DEPDC1B: variants seen among roughly 807,000 people sequenced by gnomAD.
DEPDC1B encodes DEP domain containing 1B, also known as DEP domain-containing protein 1B.
Under a neutral mutation model 66.5 loss-of-function variants are expected in DEPDC1B, and 51 were observed. The observed-to-expected ratio is 0.77, with a 90% CI of 0.61 to 0.97. The LOEUF (loss-of-function observed/expected upper bound fraction) is 0.97. Ranked by LOEUF, DEPDC1B falls within the 50% of genes least tolerant of loss-of-function variation. DEPDC1B has a pLI of 0.00. For missense variants in DEPDC1B, 552 were observed against 637.1 expected, an observed-to-expected ratio of 0.87 and a Z score of 1.44; for synonymous variants, 226 against 223.6, an observed-to-expected ratio of 1.01 and a Z score of -0.10.
chr5:60,665,556 AT>A lies in DEPDC1B; in HGVS notation c.315-18024del, dbSNP rs554212758. 7.6e-4 allele frequency among the ~76,000 whole-genome samples: 116 copies of A among 152,326 alleles called. 2 individuals carry two copies. The highest frequency in any genetic ancestry group is 7.3e-3 in the Admixed American group (111 of 15,300). On this transcript the variant is annotated intron_variant, in intron 2 of 10. Coordinates refer to ENST00000265036, the MANE Select transcript of DEPDC1B (RefSeq NM_018369.3). The stretch of plus-strand genomic sequence containing the variant: ...GACCGGCCTGCTAGCCCATGCTCCG[AT>A]GTTAATGATATTGAAGGCACCCCTC...
intron 2 of DEPDC1B, among the ~76,000 whole-genome samples, chr5:60,670,903 G>T (rs1283360236): frequency 6.6e-6 from 1 of 152,152 alleles, no homozygotes; most frequent in Non-Finnish European, 1.5e-5. Flanking sequence ...CACTATCTTG[G>T]CAGAGGTCAT....
Position 60,654,876 on chromosome 5 carries a change from T to A in DEPDC1B, c.315-7343A>T, listed in dbSNP as rs185087883. 6.6e-4 allele frequency among the ~76,000 whole-genome samples: 98 copies of A among 149,156 alleles called. 11 individuals are homozygous for A. Among genetic ancestry groups the A allele is most frequent in the African/African-American group, 2.1e-3 (85 of 39,662 alleles). On this transcript the variant is annotated intron_variant, in intron 2 of 10. Coordinates refer to ENST00000265036, the MANE Select transcript of DEPDC1B (RefSeq NM_018369.3). ...TGTCAAATGCTCTTTCTGTGTCTAT[T>A]GGGATGATCATGATTTTTGTTTTTA...
chr5:60,625,494 G>A lies in DEPDC1B; in HGVS notation c.898+13256C>T, dbSNP rs1752791589. ...AGTAACAGGTCCCACATATACTCAAGGGTACAAGGTAGCAGGAAAATTGGG... is the reference window on the plus strand; with the variant it reads ...AGTAACAGGTCCCACATATACTCAAAGGTACAAGGTAGCAGGAAAATTGGG... On this transcript the variant is annotated intron_variant, in intron 7 of 10. Coordinates refer to ENST00000265036, the MANE Select transcript of DEPDC1B (RefSeq NM_018369.3). 2.0e-5 allele frequency among the ~76,000 whole-genome samples: 3 copies of A among 152,248 alleles called. No homozygotes were observed. The East Asian group carries it at 5.8e-4, about 29-fold the overall frequency.
chr5:60,666,908 T>C (rs569188488), intron 2 of DEPDC1B, among the ~76,000 whole-genome samples: 5 of 152,320 alleles, frequency 3.3e-5, no homozygotes, highest in African/African-American at 1.2e-4. Flanking sequence ...GAAGTAAATC[T>C]TCTAGCCCAA....
intron 7 of DEPDC1B, among the ~76,000 whole-genome samples, chr5:60,619,256 C>A (rs1399447113): frequency 2.6e-5 from 4 of 152,190 alleles, no homozygotes; most frequent in Non-Finnish European, 5.9e-5. Flanking sequence ...TCTCACCACT[C>A]CTATTCAACA....
chr5:60,670,608 A>G (rs1410528480), intron 2 of DEPDC1B, among the ~76,000 whole-genome samples: 2 of 152,236 alleles, frequency 1.3e-5, no homozygotes, highest in Admixed American at 6.5e-5. Flanking sequence ...CCTGATTTCA[A>G]TGGAGACAAG....
intron 7 of DEPDC1B, among the ~76,000 whole-genome samples, chr5:60,611,889 A>C (rs1199979284): frequency 6.6e-6 from 1 of 152,226 alleles, no homozygotes; most frequent in Non-Finnish European, 1.5e-5. Flanking sequence ...TAGAAAATCT[A>C]GCTAAGATCA....
At chr5:60,608,683 T>G (rs534503029) in intron 7 of DEPDC1B, among the ~76,000 whole-genome samples, 88 of 151,978 alleles carry the variant, frequency 5.8e-4, no homozygotes, top group Admixed American at 1.0e-3. Context: ...ATTTAAAAAT[T>G]TCTTTGTGAG....
At chr5:60,600,993 A>T (rs1290796831) in intron 9 of DEPDC1B, among the ~76,000 whole-genome samples, 1 of 152,198 alleles carries the variant, frequency 6.6e-6, no homozygotes, top group South Asian at 2.1e-4. Flanking sequence ...GTGAGTTCTC[A>T]TGAGATCTGA....
At chr5:60,675,910 T>TTTTTTTTGTTTTTTG (rs1335313755) in intron 2 of DEPDC1B, among the ~76,000 whole-genome samples, 1 of 151,830 alleles carries the variant, frequency 6.6e-6, no homozygotes. Flanking sequence ...TTTCTTTTTT[T>TTTTTTTTGTTTTTTG]TTTTTTTGTT....
chr5:60,687,849 GA>G (rs545309418), intron 1 of DEPDC1B: 15 of 197,860 alleles, frequency 7.6e-5, no homozygotes, highest in East Asian at 1.8e-4. Context: ...CTATTGATAG[GA>G]AAAAAAACTG....
Position 60,639,511 on chromosome 5 carries a change from A to G in DEPDC1B, c.758-621T>C, listed in dbSNP as rs1303289555. ...AAACTCTTTATTTGATCACTGACCA[A>G]CCATCAAAAGACAGTTTATCAAGCA... is the stretch of plus-strand genomic sequence containing the variant. On this transcript the variant is annotated intron_variant, in intron 6 of 10. Transcript: ENST00000265036. 2.6e-5 allele frequency among the ~76,000 whole-genome samples: 4 copies of G among 152,224 alleles called. No individual in the cohort carries two copies. The East Asian group carries it at 7.7e-4, about 29-fold the overall frequency.
intron 2 of DEPDC1B, among the ~76,000 whole-genome samples, chr5:60,674,597 T>C (rs909655623): frequency 2.0e-5 from 3 of 152,342 alleles, no homozygotes; most frequent in African/African-American, 7.2e-5. Flanking sequence ...TACAGATCAA[T>C]ATGATCTGTT....
intron 1 of DEPDC1B, among the ~76,000 whole-genome samples, chr5:60,690,246 G>A (rs1412137548): frequency 6.6e-6 from 1 of 151,828 alleles, no homozygotes; most frequent in Non-Finnish European, 1.5e-5. Flanking sequence ...AGAAAAACTA[G>A]AACTAATTTG....
chr5:60,661,920 T>G (rs1434333626), intron 2 of DEPDC1B, among the ~76,000 whole-genome samples: 1 of 152,134 alleles, frequency 6.6e-6, no homozygotes, highest in Non-Finnish European at 1.5e-5. Flanking sequence ...GGAAAAAGCC[T>G]ATAAATTATT....
chr5:60,696,152 T>C (rs1261094788), intron 1 of DEPDC1B, among the ~76,000 whole-genome samples: 1 of 152,164 alleles, frequency 6.6e-6, no homozygotes, highest in Admixed American at 6.5e-5. Flanking sequence ...CTTTTTTCAG[T>C]TCTCAGAATT....
Position 60,613,175 on chromosome 5 carries a change from G to A in DEPDC1B, c.899-7319C>T, listed in dbSNP as rs79789834. ...TAGGGTGCTAAGATAGGGCAACTAT[G>A]GACAAATAAACTGTGAATCTTCAGC... is the stretch of plus-strand genomic sequence containing the variant. On this transcript the variant is annotated intron_variant, in intron 7 of 10. Coordinates refer to ENST00000265036, the MANE Select transcript of DEPDC1B (RefSeq NM_018369.3). 5.9e-3 allele frequency among the ~76,000 whole-genome samples: 897 copies of A among 152,260 alleles called. 34 individuals carry two copies. The East Asian group carries it at 0.065, about 11-fold the overall frequency.
rs1293038374 is a variant in DEPDC1B, at chr5:60,623,581, AATAATCC to A, written c.898+15162_898+15168del. Among the ~76,000 whole-genome samples, 3 of 152,314 alleles carry A rather than the reference AATAATCC, an allele frequency of 2.0e-5. No individual in the cohort carries two copies. In the South Asian group the frequency reaches 6.2e-4, roughly 32 times the overall value. On this transcript the variant is annotated intron_variant, in intron 7 of 10. Transcript: ENST00000265036. Reference sequence around the variant, plus strand: ...AAAAGCTTGGATTTTTACCAAGCTAAATAATCCATGTATCAATTTTGGAAGAATTGAC... The same window carrying A: ...AAAAGCTTGGATTTTTACCAAGCTAAATGTATCAATTTTGGAAGAATTGAC...
chr5:60,638,851 C>A lies in DEPDC1B; in HGVS notation c.797G>T (p.Gly266Val). Residue 266 changes from glycine to valine, a missense_variant, in exon 7 of 11, where the codon GGA becomes GTA. Gly to Val is a moderately radical substitution (Grantham distance 109). Transcript: ENST00000265036. Reference sequence around the variant, plus strand: ...GGTTTTAAAGACATCTTTTTCAAATCCCAAGTACATAGGCTGCTTCAAATC... The same window carrying A: ...GGTTTTAAAGACATCTTTTTCAAATACCAAGTACATAGGCTGCTTCAAATC... Reference protein sequence around the residue: ...CSDLKQPMYLGFEKDVFKTIA... With the variant: ...CSDLKQPMYLVFEKDVFKTIA... 1 of 1,613,146 alleles carries A rather than the reference C, an allele frequency of 6.2e-7. No individual in the cohort carries two copies.
Sources: gnomAD v4.1 joint callset for allele counts (sites outside exome capture counted in the v4.1 genomes callset) on GRCh38, gnomAD v4.1.1 for gene constraint, MANE v1.5 for transcripts, NCBI Gene and HGNC (gene_info 2026-07-23, HGNC 2026-07-21) for gene names.